The following STAT5B variants were observed in gnomAD, a reference collection of about 807,000 sequenced individuals.
The protein encoded by STAT5B is transcription factor STAT5B.
Under a neutral mutation model 107.8 loss-of-function variants are expected in STAT5B, and 21 were observed. The ratio of observed to expected loss-of-function variants is 0.19; its 90% CI spans 0.14 to 0.28. The LOEUF is 0.28. STAT5B is among the 10% of genes least tolerant of loss of function. STAT5B has a pLI of 1.00. For missense variants in STAT5B, 565 were observed against 1,008.2 expected (o/e 0.56, Z 5.95); for synonymous variants, 325 against 401.7 (o/e 0.81, Z 2.28).
In STAT5B at chr17:42,225,275, G is replaced by A. The variant is rs935715100; in HGVS notation, c.286-407C>T. Among the ~76,000 whole-genome samples, 17 of 152,126 alleles carry A rather than the reference G, an allele frequency of 1.1e-4. No homozygotes were observed. In the East Asian group the frequency reaches 1.9e-3, roughly 17 times the overall value. On this transcript the variant is annotated intron_variant, in intron 3 of 18. Transcript: ENST00000293328. ...CCACCATGTTGGCCAGGCTGGTCTC[G>A]AACTCCTGACCTCAGGTGATCCACC... is the stretch of plus-strand genomic sequence containing the variant.
At chr17:42,239,185 T>C (rs1598319957) in intron 1 of STAT5B, among the ~76,000 whole-genome samples, 1 of 147,820 alleles carries the variant, frequency 6.8e-6, no homozygotes, top group Admixed American at 6.8e-5. Context: ...GAGGCAGAGG[T>C]TGCAGTGAGC....
intron 12 of STAT5B, among the ~76,000 whole-genome samples, chr17:42,213,382 T>C (rs2080144762): frequency 6.6e-6 from 1 of 152,048 alleles, no homozygotes; most frequent in African/African-American, 2.4e-5. Context: ...AATTTGTGTG[T>C]TTTTTGTAGA....
intron 1 of STAT5B, among the ~76,000 whole-genome samples, chr17:42,247,704 T>C (rs2080463226): frequency 6.6e-6 from 1 of 151,916 alleles, no homozygotes; most frequent in South Asian, 2.1e-4. Flanking sequence ...TCTCAGCACT[T>C]TGGGAGGCTG....
intron 1 of STAT5B, among the ~76,000 whole-genome samples, chr17:42,247,959 A>G (rs2080465677): frequency 1.3e-5 from 2 of 151,964 alleles, no homozygotes; most frequent in Non-Finnish European, 2.9e-5. Context: ...CTCTAAAAAA[A>G]AAAAAAATGT....
intron 1 of STAT5B, among the ~76,000 whole-genome samples, chr17:42,241,077 T>C (rs1337815301): frequency 6.6e-6 from 1 of 152,138 alleles, no homozygotes; most frequent in African/African-American, 2.4e-5. Flanking sequence ...TGGTGGCTCA[T>C]GCTTGTAATC....
intron 2 of STAT5B, among the ~76,000 whole-genome samples, chr17:42,228,301 A>C (rs566768031): frequency 5.6e-4 from 86 of 152,336 alleles, no homozygotes; most frequent in South Asian, 2.1e-3. Context: ...CTTTTCCAGT[A>C]AACAAGGAAA....
intron 1 of STAT5B, chr17:42,275,180 A>C (rs1465031225): frequency 6.6e-6 from 1 of 152,116 alleles, no homozygotes; most frequent in Non-Finnish European, 1.5e-5. Context: ...CAGTTTCCTC[A>C]TTTGTACAAT....
At chr17:42,258,053 A>G (rs2080562039) in intron 1 of STAT5B, among the ~76,000 whole-genome samples, 1 of 152,220 alleles carries the variant, frequency 6.6e-6, no homozygotes, top group South Asian at 2.1e-4. Context: ...CTTTAGGGAC[A>G]TATTTTAAAT....
chr17:42,240,857 A>G (rs1193955064), intron 1 of STAT5B, among the ~76,000 whole-genome samples: 1 of 152,238 alleles, frequency 6.6e-6, no homozygotes, highest in Admixed American at 6.5e-5. Flanking sequence ...CAAAGAATGA[A>G]AAATTAAAGT....
intron 1 of STAT5B, chr17:42,234,690 T>C (rs2080343431): frequency 6.6e-6 from 1 of 152,240 alleles, no homozygotes; most frequent in Non-Finnish European, 1.5e-5. Context: ...CGAAACCCCG[T>C]CTCTACTAAA....
At chr17:42,218,394 CCTCT>C in intron 8 of STAT5B, 64 bp from the exon 9 acceptor site, 2 of 1,579,802 alleles carry the variant, frequency 1.3e-6, no homozygotes, top group Non-Finnish European at 1.7e-6. Context: ...GCTCTCAGTC[CCTCT>C]GTGGTGGGGG....
intron 1 of STAT5B, chr17:42,275,333 G>A (rs2080755767): frequency 6.6e-6 from 1 of 152,230 alleles, no homozygotes; most frequent in Non-Finnish European, 1.5e-5. Flanking sequence ...GGCAAAGAGA[G>A]AATCGGTATC....
At chr17:42,201,998 CCATT>C (rs948965752) in intron 18 of STAT5B, 134 bp from the exon 19 acceptor site, 5 of 818,664 alleles carry the variant, frequency 6.1e-6, no homozygotes, top group African/African-American at 5.1e-5. Flanking sequence ...AAAAGAACAA[CCATT>C]CAAACAGCTG....
Position 42,216,165 on chromosome 17 carries a change from CTT to C in STAT5B, c.1381-61_1381-60del, listed in dbSNP as rs56888729. 3.7e-3 allele frequency: 4,206 copies of C among 1,124,030 alleles called. 76 individuals carry two copies. The African/African-American group carries it at 0.055, about 15-fold the overall frequency. 69.6% of individuals were successfully genotyped at this position (1,124,030 alleles called of 1,614,324 possible). On this transcript the variant is annotated intron_variant, in intron 11 of 18. Coordinates refer to ENST00000293328, the MANE Select transcript of STAT5B (RefSeq NM_012448.4). ...GAGCCTCAAGTTCTTCTCCTTCTCT[CTT>C]TTTTTTTTTTCTTATTATAACAACA... is the stretch of plus-strand genomic sequence containing the variant.
At chr17:42,215,839 C>A (rs988025367) in intron 12 of STAT5B, among the ~76,000 whole-genome samples, 175 bp downstream of exon 12, 2 of 152,166 alleles carry the variant, frequency 1.3e-5, no homozygotes, top group Non-Finnish European at 2.9e-5. Flanking sequence ...CCAGGCTGGT[C>A]TCGAACTCCT....
rs1278812312 is a variant in STAT5B, at chr17:42,216,102, A to G, written c.1385T>C (p.Leu462Pro). The change falls in exon 12 of 19, where the codon CTG (leucine) becomes CCG (proline). Residue 462 changes from leucine to proline, a missense_variant. By Grantham distance (98) the Leu-to-Pro change is moderately conservative. Transcript: ENST00000293328. ...GNELVFQVKT[L>P]SLPVVVIVHG... ...AACGATCACCACCACTGGCAGGGAC[A>G]GGGTCTAAAAAGACACAAGAGAAGG... 2.5e-6 allele frequency: 4 copies of G among 1,613,072 alleles called. No individual in the cohort carries two copies. Among genetic ancestry groups the G allele is most frequent in the Non-Finnish European group, 3.4e-6 (4 of 1,179,608 alleles).
chr17:42,217,031 G>T, intron 11 of STAT5B, 129 bp downstream of exon 11: 1 of 1,493,404 alleles, frequency 6.7e-7, no homozygotes, highest in Non-Finnish European at 9.0e-7. Flanking sequence ...GGTGAGGTCA[G>T]TCCATTTTCA....
chr17:42,223,360 A>T, intron 5 of STAT5B, 22 bp downstream of exon 5: 1 of 1,614,028 alleles, frequency 6.2e-7, no homozygotes, highest in South Asian at 1.1e-5. Context: ...AAGTTGCACA[A>T]TGTGCCTCCA....
upstream of STAT5B, among the ~76,000 whole-genome samples, chr17:42,278,939 A>C (rs2080783821): frequency 6.6e-6 from 1 of 151,860 alleles, no homozygotes; most frequent in Admixed American, 6.6e-5. Flanking sequence ...AGATCACGAA[A>C]CTGCACTCCA....
Sources: gnomAD v4.1 joint callset for allele counts (sites outside exome capture counted in the v4.1 genomes callset) on GRCh38, gnomAD v4.1.1 for gene constraint, MANE v1.5 for transcripts, NCBI Gene and HGNC (gene_info 2026-07-23, HGNC 2026-07-21) for gene names.